Variants in DGKH observed in about 807,000 individuals in gnomAD.
DGKH encodes DAG kinase eta.
DGKH carries 90 observed loss-of-function variants against 159.3 expected under a neutral mutation model. The observed-to-expected ratio is 0.57, with a 90% CI of 0.48 to 0.67. The LOEUF is 0.67. Ranked by LOEUF, DGKH falls within the 30% of genes least tolerant of loss-of-function variation. The pLI is 0.00. For synonymous variants in DGKH, 536 were observed against 553.8 expected (o/e 0.97, Z 0.45); for missense variants, 1,181 against 1,506.1 (o/e 0.78, Z 3.57).
At position 42,229,881 on chromosome 13, in the gene DGKH, T is replaced by C. The variant is rs411746; in HGVS notation, c.*693T>C. 142,396 of 152,380 alleles carry C rather than the reference T, an allele frequency of 0.93. 66,825 individuals carry two copies. The highest frequency in any genetic ancestry group is 1 in the East Asian group (5,314 of 5,324). The allele number at this position is 152,380 out of a possible 1,614,324, so 9.4% of individuals were successfully genotyped here. On this transcript the variant is annotated 3_prime_UTR_variant, in exon 30 of 30. Coordinates refer to ENST00000337343, the MANE Select transcript of DGKH (RefSeq NM_178009.5). ...TATTACTAAAGTACATTTTTGTTGG[T>C]TAAGGGCACTGCACTTTTCTGTTTT... is the stretch of plus-strand genomic sequence containing the variant.
Position 42,221,387 on chromosome 13 carries a change from A to G in DGKH, c.3566A>G (p.Asp1189Gly). Residue 1189 changes from aspartate (D) to glycine (G), a missense_variant, in exon 29 of 30, where the codon GAT becomes GGT. This residue lies in a region of DGKH where 84 missense variants were observed against 77.9 expected (regional missense o/e 1.08). Transcript: ENST00000337343. ...GAACTTTTGCATCTGGAAAGGCGAG[A>G]TCTTAAGGTATTTCCTTTGTGCTCT... is the stretch of plus-strand genomic sequence containing the variant. Reference protein sequence around the residue: ...GAELLHLERRDLKDLGIPKVG... With the variant: ...GAELLHLERRGLKDLGIPKVG... 6.2e-7 allele frequency: 1 copy of G among 1,613,512 alleles called. No individual in the cohort carries two copies. Among genetic ancestry groups the G allele is most frequent in the Non-Finnish European group, 8.5e-7 (1 of 1,179,544 alleles).
At position 42,127,555 on chromosome 13, in the gene DGKH, C is replaced by T; in HGVS notation, c.285C>T (p.Tyr95=). 6.2e-7 allele frequency: 1 copy of T among 1,613,626 alleles called. No homozygotes were observed. The highest frequency in any genetic ancestry group is 8.5e-7 in the Non-Finnish European group (1 of 1,179,682). Residue 95 remains tyrosine (Y), a synonymous_variant, in exon 2 of 30, where the codon TAC becomes TAT. Coordinates refer to ENST00000337343, the MANE Select transcript of DGKH (RefSeq NM_178009.5). ...TCAAACTTCGAGGCCGCACCCTTTA[C>T]TATGCAAAGGACTCAAAGGTAACTC... ...RYFKLRGRTL[Y]YAKDSKSLIF...
intron 6 of DGKH, 56 bp from the exon 7 acceptor site, chr13:42,159,955 G>A (rs1956138710): frequency 1.1e-5 from 17 of 1,613,034 alleles, no homozygotes; most frequent in South Asian, 5.5e-5. Flanking sequence ...TCTCCCCTGG[G>A]GTAAGGTTGG....
At chr13:42,129,705 C>G in intron 3 of DGKH, 73 bp downstream of exon 3, 1 of 1,361,456 alleles carries the variant, frequency 7.3e-7, no homozygotes, top group South Asian at 1.3e-5. Flanking sequence ...ACAGAATGCC[C>G]TGTTCAATTA....
intron 29 of DGKH, among the ~76,000 whole-genome samples, chr13:42,228,732 GAGAA>G (rs1328394824): frequency 1.1e-4 from 17 of 151,702 alleles, no homozygotes; most frequent in Non-Finnish European, 2.1e-4. Context: ...AAGAAAGAAA[GAGAA>G]AGAAAGAAAC....
intron 29 of DGKH, among the ~76,000 whole-genome samples, chr13:42,226,621 T>C (rs1470740064): frequency 3.3e-5 from 5 of 151,958 alleles, no homozygotes; most frequent in Admixed American, 6.6e-5. Flanking sequence ...TTTGGGAGGC[T>C]GAGGCAGGTG....
intron 16 of DGKH, 116 bp downstream of exon 16, chr13:42,190,641 CT>C: frequency 9.6e-7 from 1 of 1,045,350 alleles, no homozygotes; most frequent in South Asian, 1.8e-5. Flanking sequence ...TTTGAAAAGG[CT>C]TTTTGGAAGT....
At chr13:42,157,873 C>T (rs1410379532) in intron 5 of DGKH, among the ~76,000 whole-genome samples, 1 of 152,190 alleles carries the variant, frequency 6.6e-6, no homozygotes, top group Admixed American at 6.5e-5. Context: ...TCTTATGTCT[C>T]ATAAGAATCC....
At chr13:42,220,934 T>G (rs1957952726) in intron 28 of DGKH, among the ~76,000 whole-genome samples, 1 of 152,212 alleles carries the variant, frequency 6.6e-6, no homozygotes, top group African/African-American at 2.4e-5. Context: ...CATCAGAGCT[T>G]ATTTAGAGCT....
In DGKH at chr13:42,199,876, G is replaced by A. The variant is rs1343119388; in HGVS notation, c.2460G>A (p.Ser820=). The A allele has an allele frequency of 1.2e-6, 2 of 1,612,130 alleles. No individual in the cohort carries two copies. Residue 820 remains serine, a synonymous_variant, in exon 20 of 30, where the codon TCG becomes TCA. Coordinates refer to ENST00000337343, the MANE Select transcript of DGKH (RefSeq NM_178009.5). ...VLGTRELLQR[S]YKNLEQRVQL... ...GAACCCGGGAGTTATTACAGAGATC[G>A]TACAAGAATTTAGAACAAAGGGTTC...
intron 7 of DGKH, among the ~76,000 whole-genome samples, chr13:42,164,855 T>C (rs1956273576): frequency 6.6e-6 from 1 of 152,176 alleles, no homozygotes; most frequent in Non-Finnish European, 1.5e-5. Flanking sequence ...GTTATGGGAT[T>C]ACTGCAGAAA....
intron 1 of DGKH, among the ~76,000 whole-genome samples, chr13:42,108,116 G>A (rs1247857132): frequency 1.2e-4 from 19 of 152,128 alleles, no homozygotes; most frequent in Non-Finnish European, 2.5e-4. Flanking sequence ...CAGGCAGGTG[G>A]TGGTTCTGGC....
intron 15 of DGKH, 29 bp downstream of exon 15, chr13:42,189,338 G>C: frequency 3.7e-6 from 6 of 1,610,870 alleles, no homozygotes; most frequent in Non-Finnish European, 5.1e-6. Flanking sequence ...AGCTTTGGAA[G>C]AAGTTGGCAG....
intron 8 of DGKH, among the ~76,000 whole-genome samples, chr13:42,165,891 T>C (rs1313626782): frequency 6.6e-6 from 1 of 152,140 alleles, no homozygotes; most frequent in Non-Finnish European, 1.5e-5. Context: ...GGAACCCCTC[T>C]ACAACACCGG....
At chr13:42,089,896 CA>C (rs1954382542) in intron 1 of DGKH, among the ~76,000 whole-genome samples, 1 of 150,448 alleles carries the variant, frequency 6.6e-6, no homozygotes, top group Non-Finnish European at 1.5e-5. Context: ...TGGTTGAAAT[CA>C]TGTCAAATAT....
chr13:42,203,199 A>T (rs980475646), intron 20 of DGKH, among the ~76,000 whole-genome samples: 6 of 152,204 alleles, frequency 3.9e-5, no homozygotes, highest in African/African-American at 1.4e-4. Flanking sequence ...TTTTGAATGA[A>T]GTTTACTGTG....
chr13:42,113,162 C>G (rs672400), intron 1 of DGKH, among the ~76,000 whole-genome samples: 1 of 151,934 alleles, frequency 6.6e-6, no homozygotes, highest in Non-Finnish European at 1.5e-5. Flanking sequence ...GATTTTGACA[C>G]CAGATTTTTA....
At chr13:42,212,352 G>A (rs1957677299) in intron 24 of DGKH, among the ~76,000 whole-genome samples, 1 of 152,190 alleles carries the variant, frequency 6.6e-6, no homozygotes, top group Admixed American at 6.5e-5. Context: ...AGAAAGGGAA[G>A]AGAAAATGAA....
In DGKH at chr13:42,070,230, G is replaced by T. The variant is rs188995239; in HGVS notation, c.192+21265G>T. The T allele has an allele frequency of 5.4e-6, 6 of 1,101,672 alleles. No individual in the cohort carries two copies. The Admixed American group carries it at 6.7e-5, about 12-fold the overall frequency. The allele number at this position is 1,101,672 out of a possible 1,614,324, so 68.2% of individuals were successfully genotyped here. A position where few individuals can be genotyped will look rare whatever the true frequency, so the allele number is the denominator to read the frequency against. On this transcript the variant is annotated intron_variant, in intron 1 of 29. Coordinates refer to ENST00000337343, the MANE Select transcript of DGKH (RefSeq NM_178009.5). The stretch of plus-strand genomic sequence containing the variant: ...TTTGTTCCAGGAAATTCAGTGCTTC[G>T]CGACTAATTCCTGGAAGTAGCTGAG...
Sources: allele counts gnomAD v4.1 joint callset (sites outside exome capture counted in the v4.1 genomes callset), GRCh38; gene constraint gnomAD v4.1.1; regional missense constraint gnomAD v4.1.1; transcripts MANE v1.5; gene names NCBI Gene and HGNC (gene_info 2026-07-23, HGNC 2026-07-21).